Variants in MAGI1 observed in about 807,000 individuals in gnomAD.
The protein encoded by MAGI1 is membrane associated guanylate kinase, WW and PDZ domain containing 1.
Under a neutral mutation model 139.9 loss-of-function variants are expected in MAGI1, and 58 were observed. The observed-to-expected ratio is 0.41, with a 90% CI of 0.34 to 0.52. The LOEUF (loss-of-function observed/expected upper bound fraction) is 0.52, where lower values mean the gene tolerates loss of function less well. MAGI1 is among the 20% of genes least tolerant of loss of function. The probability of loss-of-function intolerance (pLI) is 0.12; values close to 1 mark genes in which losing one functional copy is unlikely to be tolerated. For synonymous variants in MAGI1, 812 were observed against 737.9 expected, an observed-to-expected ratio of 1.10 and a Z score of -1.63; for missense variants, 1,874 against 1,901.6, an observed-to-expected ratio of 0.99 and a Z score of 0.27.
chr3:65,687,932 G>A lies in MAGI1; in HGVS notation c.314-65844C>T, dbSNP rs77318773. On this transcript the variant is annotated intron_variant, in intron 1 of 22. Transcript: ENST00000402939. ...TAGCAGCCATTCGGCATGCCCGCTG[G>A]TTCAAGGAAAATGGCTCTCAGTTCA... 5.3e-3 allele frequency: 3,714 copies of A among 694,980 alleles called. 85 individuals are homozygous for A. The African/African-American group carries it at 0.057, about 11-fold the overall frequency. The allele number at this position is 694,980 out of a possible 1,614,324, so 43.1% of individuals were successfully genotyped here. A position where few individuals can be genotyped will look rare whatever the true frequency, so the allele number is the denominator to read the frequency against.
At chr3:65,972,961 G>A (rs1307931385) in intron 1 of MAGI1, among the ~76,000 whole-genome samples, 1 of 152,000 alleles carries the variant, frequency 6.6e-6, no homozygotes, top group Admixed American at 6.6e-5. Flanking sequence ...CTACCTCCTG[G>A]TGGTTACCAA....
chr3:65,997,037 T>C (rs1039900663), intron 1 of MAGI1, among the ~76,000 whole-genome samples: 1 of 152,178 alleles, frequency 6.6e-6, no homozygotes, highest in African/African-American at 2.4e-5. Context: ...AGGCAGAAAT[T>C]TAATTGGGAT....
At chr3:65,865,852 C>T (rs1038880050) in intron 1 of MAGI1, among the ~76,000 whole-genome samples, 1 of 152,128 alleles carries the variant, frequency 6.6e-6, no homozygotes, top group Non-Finnish European at 1.5e-5. Flanking sequence ...GTTGGCCAGG[C>T]TGGTCTCGAA....
At chr3:65,862,971 A>G (rs533880103) in intron 1 of MAGI1, among the ~76,000 whole-genome samples, 1 of 152,284 alleles carries the variant, frequency 6.6e-6, no homozygotes, top group African/African-American at 2.4e-5. Context: ...CCTCCCTAGC[A>G]TGGCATTCAA....
At position 65,740,035 on chromosome 3, in the gene MAGI1, G is replaced by A. The variant is rs578061757; in HGVS notation, c.314-117947C>T. Among the ~76,000 whole-genome samples, 15 of 152,270 alleles carry A rather than the reference G, an allele frequency of 9.9e-5. No individual in the cohort carries two copies. The East Asian group carries it at 2.9e-3, about 29-fold the overall frequency. On this transcript the variant is annotated intron_variant, in intron 1 of 22. Transcript: ENST00000402939. Reference sequence around the variant, plus strand: ...TGCAGTATCTGCAAAGTGCAATAGAGGGACACAATCAAAAGGATGTGCCTG... The same window carrying A: ...TGCAGTATCTGCAAAGTGCAATAGAAGGACACAATCAAAAGGATGTGCCTG...
At chr3:65,761,301 T>C (rs952346235) in intron 1 of MAGI1, among the ~76,000 whole-genome samples, 3 of 152,112 alleles carry the variant, frequency 2.0e-5, no homozygotes, top group East Asian at 1.9e-4. Flanking sequence ...GTAATAATTA[T>C]CAGATACGAG....
intron 14 of MAGI1, chr3:65,387,023 C>G: frequency 1.2e-6 from 1 of 823,534 alleles, no homozygotes; most frequent in South Asian, 1.7e-5. Flanking sequence ...AAGCACTTCC[C>G]TTCATGCCCC....
At chr3:66,036,188 T>C (rs2068907545) in intron 1 of MAGI1, among the ~76,000 whole-genome samples, 2 of 152,176 alleles carry the variant, frequency 1.3e-5, no homozygotes, top group Admixed American at 1.3e-4. Flanking sequence ...CAGAAATAAA[T>C]AGCTGCTAAA....
chr3:65,509,296 G>T (rs1040562465), intron 2 of MAGI1, among the ~76,000 whole-genome samples: 13 of 152,326 alleles, frequency 8.5e-5, no homozygotes, highest in South Asian at 2.1e-4. Flanking sequence ...TGTTTTTGGG[G>T]AGGAGCCAAG....
At chr3:65,458,912 GT>G (rs1949587928) in intron 5 of MAGI1, among the ~76,000 whole-genome samples, 1 of 152,096 alleles carries the variant, frequency 6.6e-6, no homozygotes, top group African/African-American at 2.4e-5. Context: ...TCAATGTTTT[GT>G]TTCGGTAGTT....
intron 1 of MAGI1, among the ~76,000 whole-genome samples, chr3:65,803,420 A>AGGAAAT (rs1170781507): frequency 1.3e-5 from 2 of 152,194 alleles, no homozygotes; most frequent in African/African-American, 4.8e-5. Flanking sequence ...AGATAGACTT[A>AGGAAAT]AAATTTCCTA....
chr3:65,604,212 G>C (rs918605234), intron 2 of MAGI1, among the ~76,000 whole-genome samples: 3 of 151,482 alleles, frequency 2.0e-5, no homozygotes, highest in African/African-American at 7.3e-5. Flanking sequence ...AAGTATCTGA[G>C]GATCAAGAAA....
intron 2 of MAGI1, among the ~76,000 whole-genome samples, chr3:65,572,539 G>A (rs555719265): frequency 3.3e-5 from 5 of 152,264 alleles, no homozygotes; most frequent in African/African-American, 1.2e-4. Flanking sequence ...CTTCAAAGTA[G>A]TTAAGCAGAG....
intron 2 of MAGI1, among the ~76,000 whole-genome samples, chr3:65,614,421 T>C (rs1278248743): frequency 2.6e-5 from 4 of 152,154 alleles, no homozygotes; most frequent in Non-Finnish European, 4.4e-5. Flanking sequence ...CCTCTATAAA[T>C]CTAATTTTCT....
intron 2 of MAGI1, among the ~76,000 whole-genome samples, chr3:65,584,593 A>G (rs983213325): frequency 3.3e-5 from 5 of 152,198 alleles, no homozygotes; most frequent in African/African-American, 1.2e-4. Context: ...TAAAAGCAGA[A>G]GGAAGGAAGC....
At chr3:66,016,872 T>C (rs781691486) in intron 1 of MAGI1, among the ~76,000 whole-genome samples, 27 of 152,208 alleles carry the variant, frequency 1.8e-4, no homozygotes, top group Non-Finnish European at 1.2e-4. Context: ...GACATTACAC[T>C]AATTGAGATA....
chr3:65,514,676 T>C (rs2107771091), intron 2 of MAGI1, among the ~76,000 whole-genome samples: 1 of 140,508 alleles, frequency 7.1e-6, no homozygotes, highest in South Asian at 2.5e-4. Flanking sequence ...CTGGAGAGGA[T>C]GTGGAGAAAT....
intron 1 of MAGI1, among the ~76,000 whole-genome samples, chr3:65,870,083 A>G (rs1384949387): frequency 6.6e-6 from 1 of 152,206 alleles, no homozygotes; most frequent in South Asian, 2.1e-4. Context: ...TCTTAGAAAG[A>G]GCGATTTGTT....
intron 1 of MAGI1, among the ~76,000 whole-genome samples, chr3:66,024,752 G>A (rs2068155201): frequency 6.6e-6 from 1 of 152,180 alleles, no homozygotes; most frequent in Non-Finnish European, 1.5e-5. Flanking sequence ...GTTGCAGTGA[G>A]CCAAGATCGC....
Sources: allele counts gnomAD v4.1 joint callset (sites outside exome capture counted in the v4.1 genomes callset), GRCh38; gene constraint gnomAD v4.1.1; transcripts MANE v1.5; gene names NCBI Gene and HGNC (gene_info 2026-07-23, HGNC 2026-07-21).